BCL2L11: variants seen among roughly 807,000 people sequenced by gnomAD.
The protein encoded by BCL2L11 is BCL2 like 11.
Under a neutral mutation model 20.6 loss-of-function variants are expected in BCL2L11, and 15 were observed. The ratio of observed to expected loss-of-function variants is 0.73; its 90% confidence interval spans 0.49 to 1.12. The LOEUF is 1.12. Among genes scored for constraint, BCL2L11 ranks in the 50% most tolerant of loss-of-function variants. The pLI is 0.00. For synonymous variants in BCL2L11, 108 were observed against 92.8 expected (o/e 1.16, Z -0.94); for missense variants, 292 against 260.9 (o/e 1.12, Z -0.82).
Position 111,164,159 on chromosome 2 carries a change from C to T in BCL2L11, c.525C>T (p.Ala175=), listed in dbSNP as rs193171782. The change falls in exon 4 of 4, where the codon GCC becomes GCT. Residue 175 remains alanine (A), a synonymous_variant. Transcript: ENST00000393256. The part of the protein sequence containing the change: ...RRVFLNNYQA[A]EDHPRMVILR... Reference sequence around the variant, plus strand: ...TATTTTTGAATAATTACCAAGCAGCCGAAGACCACCCACGAATGGTTATCT... The same window carrying T: ...TATTTTTGAATAATTACCAAGCAGCTGAAGACCACCCACGAATGGTTATCT... 6.3e-5 allele frequency: 101 copies of T among 1,612,502 alleles called. No homozygotes were observed. Among genetic ancestry groups the T allele is most frequent in the Admixed American group, 2.2e-4 (13 of 60,016 alleles).
At chr2:111,158,369 G>T (rs1470053) in intron 3 of BCL2L11, among the ~76,000 whole-genome samples, 20,372 of 151,974 alleles carry the variant, frequency 0.13, 1,737 homozygotes, top group Non-Finnish European at 0.18. Context: ...ACAGCCCCTG[G>T]GTATTCTCAG....
chr2:111,127,753 A>C (rs2072991140), intron 2 of BCL2L11, among the ~76,000 whole-genome samples: 1 of 152,166 alleles, frequency 6.6e-6, no homozygotes, highest in South Asian at 2.1e-4. Flanking sequence ...ACTACTCAGC[A>C]GGGAAGCCAC....
intron 2 of BCL2L11, chr2:111,142,347 T>C (rs1445269433): frequency 4.5e-6 from 7 of 1,550,482 alleles, no homozygotes; most frequent in Non-Finnish European, 6.1e-6. Flanking sequence ...GAATTGCCCT[T>C]CATAGGGAAG....
rs1186570822 is a variant in BCL2L11, at chr2:111,121,193, A to G, written c.-14+5A>G. The G allele has an allele frequency of 1.8e-5, 4 of 227,684 alleles. No homozygotes were observed. Among genetic ancestry groups the G allele is most frequent in the East Asian group, 9.7e-5 (1 of 10,360 alleles). 14.1% of individuals were successfully genotyped at this position (227,684 alleles called of 1,614,324 possible). On this transcript the variant is annotated splice_donor_5th_base_variant and intron_variant, in intron 1 of 3. Transcript: ENST00000393256. ...TCTCGGACTGAGAAACGCAAGGTAA[A>G]TACCTCCAAATCCCGGGGCGCGGGC...
At chr2:111,131,547 G>A (rs1167540794) in intron 2 of BCL2L11, 1 of 151,562 alleles carries the variant, frequency 6.6e-6, no homozygotes, top group Non-Finnish European at 1.5e-5. Flanking sequence ...TCAGCTTTTT[G>A]TTCCACTGAT....
intron 3 of BCL2L11, among the ~76,000 whole-genome samples, chr2:111,154,501 A>G (rs910229989): frequency 2.0e-5 from 3 of 152,168 alleles, no homozygotes; most frequent in African/African-American, 4.8e-5. Context: ...TTTTTGAAGG[A>G]TCAGGGCAGT....
At chr2:111,164,063 A>C in intron 3 of BCL2L11, 70 bp from the exon 4 acceptor site, 4 of 931,112 alleles carry the variant, frequency 4.3e-6, no homozygotes. Flanking sequence ...GTTCACTTAA[A>C]TATGGGCTCC....
intron 2 of BCL2L11, among the ~76,000 whole-genome samples, chr2:111,138,012 C>CTTTTT (rs66601807): frequency 2.4e-5 from 3 of 127,142 alleles, no homozygotes; most frequent in Non-Finnish European, 3.3e-5. Context: ...TTCTTTCTTT[C>CTTTTT]TTTTTTTTTT....
At position 111,130,126 on chromosome 2, in the gene BCL2L11, T is replaced by A. The variant is rs4849417; in HGVS notation, c.394+5987T>A. Reference sequence around the variant, plus strand: ...TTACTTCTCTTTTTTTTTTTTTTTGTGACAGTCTCACTCTGTCACCCAGGC... The same window carrying A: ...TTACTTCTCTTTTTTTTTTTTTTTGAGACAGTCTCACTCTGTCACCCAGGC... On this transcript the variant is annotated intron_variant, in intron 2 of 3. Coordinates refer to ENST00000393256, the MANE Select transcript of BCL2L11 (RefSeq NM_138621.5). 168,182 of 352,092 alleles carry A rather than the reference T, an allele frequency of 0.48. 44,261 individuals are homozygous for A. The highest frequency in any genetic ancestry group is 0.64 in the African/African-American group (27,248 of 42,884). The allele number at this position is 352,092 out of a possible 1,614,324, so 21.8% of individuals were successfully genotyped here.
In BCL2L11 at chr2:111,161,395, C is replaced by A. The variant is rs1378045012; in HGVS notation, c.499-2738C>A. 5 of 1,550,162 alleles carry A rather than the reference C, an allele frequency of 3.2e-6. No homozygotes were observed. In the East Asian group the frequency reaches 9.8e-5, roughly 30 times the overall value. On this transcript the variant is annotated intron_variant, in intron 3 of 3. Transcript: ENST00000393256. ...ATTACCCAGTTTGGGAGTGGCAGAA[C>A]TTAAATGCACTTTTGATTCACAGAT... is the stretch of plus-strand genomic sequence containing the variant.
chr2:111,145,472 C>T (rs969439238), intron 2 of BCL2L11, among the ~76,000 whole-genome samples: 3 of 151,984 alleles, frequency 2.0e-5, no homozygotes, highest in Admixed American at 6.6e-5. Flanking sequence ...TGATACTGAG[C>T]TCATTATAGA....
rs5833391 is a variant in BCL2L11, at chr2:111,120,979, TGCCGCCGCCGCCGCCGCCGCCGCCGCC to T, written c.-207_-181del. ...GCTCTGCGTCCAGCGCCGCTGCCGCTGCCGCCGCCGCCGCCGCCGCCGCCGCCGCCGCCGCCGCCGCCACTACCACCA... is the reference window on the plus strand; with the variant it reads ...GCTCTGCGTCCAGCGCCGCTGCCGCTGCCGCCGCCGCCGCCACTACCACCA... On this transcript the variant is annotated 5_prime_UTR_variant, in exon 1 of 4. Transcript: ENST00000393256. 9 of 336,268 alleles carry T rather than the reference TGCCGCCGCCGCCGCCGCCGCCGCCGCC, an allele frequency of 2.7e-5. 1 individual carries two copies. The highest frequency in any genetic ancestry group is 2.6e-4 in the Admixed American group (5 of 19,076). The allele number at this position is 336,268 out of a possible 1,614,324, so 20.8% of individuals were successfully genotyped here.
At chr2:111,148,497 A>G (rs2076847471) in intron 2 of BCL2L11, among the ~76,000 whole-genome samples, 1 of 152,230 alleles carries the variant, frequency 6.6e-6, no homozygotes, top group Non-Finnish European at 1.5e-5. Flanking sequence ...TTCAAAAATT[A>G]ATTTTAAGAC....
At chr2:111,155,478 CT>C (rs1161690046) in intron 3 of BCL2L11, among the ~76,000 whole-genome samples, 4 of 152,278 alleles carry the variant, frequency 2.6e-5, no homozygotes, top group Non-Finnish European at 4.4e-5. Context: ...TGACCATGGG[CT>C]GGGGCTGCAG....
chr2:111,155,682 G>C (rs1404202660), intron 3 of BCL2L11, among the ~76,000 whole-genome samples: 1 of 152,166 alleles, frequency 6.6e-6, no homozygotes, highest in Non-Finnish European at 1.5e-5. Context: ...CACTGCTCTT[G>C]GCTAACTGTG....
intron 2 of BCL2L11, among the ~76,000 whole-genome samples, chr2:111,137,626 C>G (rs991495122): frequency 3.1e-4 from 47 of 150,146 alleles, no homozygotes; most frequent in African/African-American, 1.1e-3. Flanking sequence ...TGTAACATTC[C>G]TCCCCACTTT....
At chr2:111,128,612 T>TG in intron 2 of BCL2L11, 1 of 1,488,590 alleles carries the variant, frequency 6.7e-7, no homozygotes, top group East Asian at 2.5e-5. Context: ...ACTTTTTTTT[T>TG]TTTTTTTTTA....
In BCL2L11 at chr2:111,142,242, G is replaced by A. The variant is rs895403983; in HGVS notation, c.395-7802G>A. 8.2e-6 allele frequency: 11 copies of A among 1,334,288 alleles called. No homozygotes were observed. In the Admixed American group the frequency reaches 1.2e-4, roughly 14 times the overall value. The allele number at this position is 1,334,288 out of a possible 1,614,324, so 82.7% of individuals were successfully genotyped here. A position where few individuals can be genotyped will look rare whatever the true frequency, so the allele number is the denominator to read the frequency against. The stretch of plus-strand genomic sequence containing the variant: ...CTCTACCTCCTGTTCTTTTCCTTCT[G>A]TGACAAAACAAGTTATCTGTCTGGG... On this transcript the variant is annotated intron_variant, in intron 2 of 3. Coordinates refer to ENST00000393256, the MANE Select transcript of BCL2L11 (RefSeq NM_138621.5).
chr2:111,157,146 T>C (rs1244132414), intron 3 of BCL2L11, among the ~76,000 whole-genome samples: 2 of 152,192 alleles, frequency 1.3e-5, no homozygotes, highest in Non-Finnish European at 2.9e-5. Flanking sequence ...GGCAGGTGCC[T>C]ACACCTGCAG....
Sources: gnomAD v4.1 joint callset for allele counts (sites outside exome capture counted in the v4.1 genomes callset) on GRCh38, gnomAD v4.1.1 for gene constraint, MANE v1.5 for transcripts, NCBI Gene and HGNC (gene_info 2026-07-23, HGNC 2026-07-21) for gene names.